The following PIAS1 variants were observed in gnomAD, a reference collection of about 807,000 sequenced individuals.
PIAS1 encodes E3 SUMO-protein ligase PIAS1.
A neutral mutation model predicts 71.3 loss-of-function variants in PIAS1; 6 were observed. The ratio of observed to expected loss-of-function variants is 0.08; its 90% CI spans 0.05 to 0.17. PIAS1 has a LOEUF of 0.17. Ranked by LOEUF, PIAS1 falls within the 10% of genes least tolerant of loss-of-function variation. PIAS1 has a pLI of 1.00. For synonymous variants in PIAS1, 303 were observed against 292.9 expected (o/e 1.03, Z -0.35); for missense variants, 555 against 793.6 (o/e 0.70, Z 3.61).
intron 8 of PIAS1, among the ~76,000 whole-genome samples, chr15:68,166,026 A>G (rs1215123506): frequency 2.6e-5 from 4 of 152,196 alleles, no homozygotes; most frequent in Non-Finnish European, 5.9e-5. Flanking sequence ...GTAATTACAA[A>G]TATTAGTCTT....
In PIAS1 at chr15:68,164,934, A is replaced by C. The variant is rs1396485070; in HGVS notation, c.1008+130A>C. The stretch of plus-strand genomic sequence containing the variant: ...TCCACCATTGTTACAGTTTATGAAA[A>C]GTGGAAAGACATCTAGGCATTGCAT... On this transcript the variant is annotated intron_variant, in intron 8 of 13. Coordinates refer to ENST00000249636, the MANE Select transcript of PIAS1 (RefSeq NM_016166.3). 1.2e-5 allele frequency: 7 copies of C among 576,356 alleles called. No homozygotes were observed. The Middle Eastern group carries it at 1.3e-3, about 109-fold the overall frequency. 35.7% of individuals were successfully genotyped at this position (576,356 alleles called of 1,614,324 possible).
At chr15:68,090,500 A>G (rs1200651878) in intron 2 of PIAS1, among the ~76,000 whole-genome samples, 8 of 150,486 alleles carry the variant, frequency 5.3e-5, no homozygotes, top group Admixed American at 2.0e-4. Flanking sequence ...GCATTTATCT[A>G]TAAATCCCTA....
intron 1 of PIAS1, among the ~76,000 whole-genome samples, chr15:68,070,505 A>G (rs754650511): frequency 1.3e-5 from 2 of 152,142 alleles, no homozygotes; most frequent in African/African-American, 2.4e-5. Flanking sequence ...CTGAATGGCC[A>G]AGGCAGGTAC....
In PIAS1 at chr15:68,187,591, A is replaced by G. The variant is rs764549842; in HGVS notation, c.1712A>G (p.Asp571Gly). The change falls in exon 14 of 14, where the codon GAT (aspartate) becomes GGT (glycine). Residue 571 changes from aspartate to glycine, a missense_variant. Coordinates refer to ENST00000249636, the MANE Select transcript of PIAS1 (RefSeq NM_016166.3). This position sits in a 1 kb window ranked among gnomAD's most constrained non-coding sequence, Gnocchi z 5.3. ...LAAAAAAVSD[D>G]QDLLHSSRFF... ...GCTGCAGCAGCAGCAGTTTCAGATG[A>G]TCAAGACCTCCTACACTCGTCTCGG... The G allele has an allele frequency of 1.2e-6, 2 of 1,613,946 alleles. No individual in the cohort carries two copies. The highest frequency in any genetic ancestry group is 1.7e-6 in the Non-Finnish European group (2 of 1,179,866).
intron 2 of PIAS1, among the ~76,000 whole-genome samples, chr15:68,135,122 G>T (rs1228290365): frequency 1.8e-3 from 83 of 46,056 alleles, no homozygotes; most frequent in East Asian, 2.8e-3. Context: ...CCTCCCGGAC[G>T]GGGCGGCTGG....
chr15:68,151,743 C>T (rs1385891339), intron 6 of PIAS1, among the ~76,000 whole-genome samples: 2 of 145,800 alleles, frequency 1.4e-5, no homozygotes, highest in Admixed American at 6.8e-5. Flanking sequence ...ACTTGTAGTC[C>T]CAGTTACTTG....
At chr15:68,078,204 G>A (rs1377034492) in intron 1 of PIAS1, among the ~76,000 whole-genome samples, 2 of 152,140 alleles carry the variant, frequency 1.3e-5, no homozygotes, top group Non-Finnish European at 2.9e-5. Context: ...TTGTTCTCAT[G>A]ATCAAGTACA....
intron 8 of PIAS1, among the ~76,000 whole-genome samples, chr15:68,166,533 T>C (rs1055421223): frequency 2.6e-5 from 4 of 152,150 alleles, no homozygotes; most frequent in African/African-American, 9.7e-5. Context: ...CTCATTTTGT[T>C]GTAAAACACC....
At chr15:68,142,152 A>ATAT (rs2092775122) in intron 3 of PIAS1, 122 bp downstream of exon 3, 1 of 945,300 alleles carries the variant, frequency 1.1e-6, no homozygotes, top group African/African-American at 1.6e-5. Flanking sequence ...TAGTAATGAA[A>ATAT]GTATAGTGTG....
chr15:68,088,753 T>C (rs1345307669), intron 2 of PIAS1, among the ~76,000 whole-genome samples: 1 of 152,168 alleles, frequency 6.6e-6, no homozygotes, highest in Admixed American at 6.5e-5. Context: ...GATGAGTATA[T>C]TTTAAGGCTC....
chr15:68,178,203 G>C lies in PIAS1; in HGVS notation c.1481+1549G>C, dbSNP rs538081746. Among the ~76,000 whole-genome samples, 1 of 152,296 alleles carries C rather than the reference G, an allele frequency of 6.6e-6. No individual in the cohort carries two copies. Among genetic ancestry groups the C allele is most frequent in the East Asian group, 1.9e-4 (1 of 5,190 alleles). On this transcript the variant is annotated intron_variant, in intron 11 of 13. Coordinates refer to ENST00000249636, the MANE Select transcript of PIAS1 (RefSeq NM_016166.3). This position sits in a 1 kb window ranked among gnomAD's most constrained non-coding sequence, Gnocchi z 4.2. ...GAGGATCACTTGAACCTGGGAGGTG[G>C]AGGTTGCAGTGAGCTAAGATCGTGC...
chr15:68,177,260 C>G (rs1443945405), intron 11 of PIAS1, among the ~76,000 whole-genome samples: 1 of 112,720 alleles, frequency 8.9e-6, no homozygotes, highest in Non-Finnish European at 1.7e-5. Flanking sequence ...GCCTGGGCAA[C>G]AGAGCGAGAC....
At chr15:68,122,563 G>GA (rs1271732465) in intron 2 of PIAS1, among the ~76,000 whole-genome samples, 6 of 151,912 alleles carry the variant, frequency 3.9e-5, no homozygotes, top group East Asian at 1.9e-4. Flanking sequence ...AAATAACAAT[G>GA]AAAAAAATCC....
intron 8 of PIAS1, among the ~76,000 whole-genome samples, chr15:68,165,889 G>A (rs1454218530): frequency 6.6e-6 from 1 of 152,054 alleles, no homozygotes; most frequent in African/African-American, 2.4e-5. Flanking sequence ...TTCCTGATTT[G>A]TCTGATTGTT....
At chr15:68,092,294 C>T (rs143896674) in intron 2 of PIAS1, among the ~76,000 whole-genome samples, 1 of 152,246 alleles carries the variant, frequency 6.6e-6, no homozygotes, top group East Asian at 1.9e-4. Flanking sequence ...CACCTCGCCT[C>T]CTGAGTAGCT....
intron 7 of PIAS1, among the ~76,000 whole-genome samples, chr15:68,161,231 C>A (rs2092922003): frequency 6.6e-6 from 1 of 152,076 alleles, no homozygotes; most frequent in Non-Finnish European, 1.5e-5. Context: ...CGTGGGGATA[C>A]ATCACACAAA....
intron 1 of PIAS1, chr15:68,061,389 T>C (rs2091957638): frequency 6.6e-6 from 1 of 152,252 alleles, no homozygotes; most frequent in South Asian, 2.1e-4. Flanking sequence ...CCTCTACTCT[T>C]GGTTTCAGTA....
At position 68,188,622 on chromosome 15, in the gene PIAS1, CT is replaced by C. The variant is rs1454321815; in HGVS notation, c.*788del. The C allele has an allele frequency of 6.6e-6, 1 of 152,328 alleles. No homozygotes were observed. The highest frequency in any genetic ancestry group is 2.1e-4 in the South Asian group (1 of 4,826). 9.4% of individuals were successfully genotyped at this position (152,328 alleles called of 1,614,324 possible). On this transcript the variant is annotated 3_prime_UTR_variant, in exon 14 of 14. Transcript: ENST00000249636. ...TATTCTCTTATTTGCTCTGTACCCC[CT>C]GAGAATATGTTTTAGAGATATTGGA...
intron 2 of PIAS1, among the ~76,000 whole-genome samples, chr15:68,093,546 GGCA>G (rs1269606705): frequency 6.6e-6 from 1 of 152,184 alleles, no homozygotes; most frequent in Admixed American, 6.5e-5. Context: ...ACTCCCCAAA[GGCA>G]TTGAAATTAG....
Sources: allele counts gnomAD v4.1 joint callset (sites outside exome capture counted in the v4.1 genomes callset), GRCh38; gene constraint gnomAD v4.1.1; non-coding constraint Gnocchi (gnomAD v3.1); transcripts MANE v1.5; gene names NCBI Gene and HGNC (gene_info 2026-07-23, HGNC 2026-07-21).